EPHA7: variants seen among roughly 807,000 people sequenced by gnomAD.
EPHA7 encodes ephrin type-A receptor 7.
In EPHA7, 25 loss-of-function variants were observed where a neutral mutation model predicts 112.6. That is an observed-to-expected ratio of 0.22 (90% CI 0.16 to 0.31). The LOEUF is 0.31. EPHA7 is among the 10% of genes least tolerant of loss of function. The pLI is 1.00. For synonymous variants in EPHA7, 437 were observed against 406.5 expected, an observed-to-expected ratio of 1.07 and a Z score of -0.90; for missense variants, 962 against 1,212.6, an observed-to-expected ratio of 0.79 and a Z score of 3.07.
chr6:93,371,909 G>C (rs1285604359), intron 3 of EPHA7, among the ~76,000 whole-genome samples: 1 of 152,214 alleles, frequency 6.6e-6, no homozygotes, highest in East Asian at 1.9e-4. Context: ...AAATGAAGTG[G>C]TTAAGAACAT....
chr6:93,317,463 T>A (rs2127877254), intron 5 of EPHA7, among the ~76,000 whole-genome samples: 1 of 152,280 alleles, frequency 6.6e-6, no homozygotes, highest in African/African-American at 2.4e-5. Context: ...TTGGTATTTT[T>A]ACATATGAAT....
chr6:93,399,753 T>C (rs1463399448), intron 3 of EPHA7, among the ~76,000 whole-genome samples: 2 of 152,034 alleles, frequency 1.3e-5, no homozygotes, highest in Admixed American at 6.6e-5. Context: ...TGTGTGTATA[T>C]GTATTATGTG....
At chr6:93,343,041 T>G (rs1200452203) in intron 5 of EPHA7, among the ~76,000 whole-genome samples, 2 of 151,720 alleles carry the variant, frequency 1.3e-5, no homozygotes, top group Admixed American at 6.6e-5. Flanking sequence ...GTTGAACACT[T>G]TTTGTTCTTT....
At chr6:93,396,489 C>A (rs770833459) in intron 3 of EPHA7, among the ~76,000 whole-genome samples, 1 of 151,862 alleles carries the variant, frequency 6.6e-6, no homozygotes, top group Non-Finnish European at 1.5e-5. Context: ...TAATAAATTA[C>A]ATGCTGCTTG....
chr6:93,405,805 GTGTGTGTGTATATATATATA>G (rs1778676375), intron 3 of EPHA7, among the ~76,000 whole-genome samples: 3 of 64,472 alleles, frequency 4.7e-5, no homozygotes, highest in South Asian at 5.8e-4. Flanking sequence ...GTGTGTGTGT[GTGTGTGTGTATATATATATA>G]TATATATATA....
intron 3 of EPHA7, among the ~76,000 whole-genome samples, chr6:93,401,318 T>C (rs1778427634): frequency 6.6e-6 from 1 of 152,146 alleles, no homozygotes; most frequent in Non-Finnish European, 1.5e-5. Context: ...TTTGTTCTTA[T>C]GTCATTCATC....
At chr6:93,411,235 C>T in intron 2 of EPHA7, 65 bp from the exon 3 acceptor site, 1 of 1,318,494 alleles carries the variant, frequency 7.6e-7, no homozygotes, top group Non-Finnish European at 1.1e-6. Context: ...TTTGAAAGTG[C>T]AAGTACTTCA....
chr6:93,340,139 T>C (rs1775071139), intron 5 of EPHA7, among the ~76,000 whole-genome samples: 1 of 151,848 alleles, frequency 6.6e-6, no homozygotes, highest in South Asian at 2.1e-4. Flanking sequence ...AAACAATTTC[T>C]TTAAAAATGT....
At chr6:93,258,867 A>G (rs2127859998) in intron 10 of EPHA7, among the ~76,000 whole-genome samples, 1 of 151,792 alleles carries the variant, frequency 6.6e-6, no homozygotes, top group African/African-American at 2.4e-5. Flanking sequence ...TATAATTAGT[A>G]TAAAAATACA....
intron 5 of EPHA7, among the ~76,000 whole-genome samples, chr6:93,272,973 T>A (rs1006305146): frequency 2.0e-5 from 3 of 151,978 alleles, no homozygotes; most frequent in African/African-American, 7.2e-5. Flanking sequence ...CTTTATTAGG[T>A]CAAGATGCAA....
intron 5 of EPHA7, among the ~76,000 whole-genome samples, chr6:93,328,070 A>G (rs1374545155): frequency 6.6e-6 from 1 of 151,308 alleles, no homozygotes; most frequent in Admixed American, 6.6e-5. Flanking sequence ...CATGCTAAAC[A>G]TGCTCTTTCC....
At chr6:93,352,919 A>T (rs2127939607) in intron 5 of EPHA7, among the ~76,000 whole-genome samples, 1 of 152,178 alleles carries the variant, frequency 6.6e-6, no homozygotes, top group Non-Finnish European at 1.5e-5. Context: ...GGAACAACAC[A>T]CACTGGGGCC....
chr6:93,291,539 C>T (rs1035284447), intron 5 of EPHA7, among the ~76,000 whole-genome samples: 4 of 151,602 alleles, frequency 2.6e-5, no homozygotes, highest in African/African-American at 7.3e-5. Flanking sequence ...GAGGCCGAGG[C>T]GGGCGGATCA....
chr6:93,298,725 C>T (rs1772806442), intron 5 of EPHA7, among the ~76,000 whole-genome samples: 1 of 152,132 alleles, frequency 6.6e-6, no homozygotes, highest in Non-Finnish European at 1.5e-5. Context: ...AGACAATGCT[C>T]AGTTTTGATA....
At chr6:93,380,365 A>G (rs1332154526) in intron 3 of EPHA7, among the ~76,000 whole-genome samples, 1 of 152,124 alleles carries the variant, frequency 6.6e-6, no homozygotes, top group Non-Finnish European at 1.5e-5. Flanking sequence ...ATGCGACAAT[A>G]AAAGCATTCC....
intron 5 of EPHA7, among the ~76,000 whole-genome samples, chr6:93,275,704 CA>C (rs1771438146): frequency 6.6e-6 from 1 of 151,770 alleles, no homozygotes; most frequent in Non-Finnish European, 1.5e-5. Flanking sequence ...AAGAGTAAAG[CA>C]AAAGTCTAAT....
At chr6:93,405,781 ATATGTG>A (rs1778666009) in intron 3 of EPHA7, among the ~76,000 whole-genome samples, 1 of 83,586 alleles carries the variant, frequency 1.2e-5, no homozygotes, top group Admixed American at 1.4e-4. Context: ...ATTTCTGTAT[ATATGTG>A]TGTGTGTGTG....
At chr6:93,376,482 A>G (rs1164534688) in intron 3 of EPHA7, among the ~76,000 whole-genome samples, 1 of 152,156 alleles carries the variant, frequency 6.6e-6, no homozygotes, top group Non-Finnish European at 1.5e-5. Context: ...CTGCCACCAA[A>G]TAACTGACAT....
intron 5 of EPHA7, among the ~76,000 whole-genome samples, chr6:93,284,743 A>G (rs979173496): frequency 7.9e-5 from 12 of 152,056 alleles, no homozygotes; most frequent in Admixed American, 7.9e-4. Flanking sequence ...AACTAACACA[A>G]GAACAGAAAC....
Sources: gnomAD v4.1 joint callset for allele counts (sites outside exome capture counted in the v4.1 genomes callset) on GRCh38, gnomAD v4.1.1 for gene constraint, MANE v1.5 for transcripts, NCBI Gene and HGNC (gene_info 2026-07-23, HGNC 2026-07-21) for gene names.